The following RFTN1 variants were observed in gnomAD, a reference collection of about 807,000 sequenced individuals.
RFTN1 encodes raftlin, lipid raft linker 1, also known as raftlin.
A neutral mutation model predicts 46.5 loss-of-function variants in RFTN1; 26 were observed. That is an observed-to-expected ratio of 0.56 (90% confidence interval 0.41 to 0.78). The LOEUF is 0.78. Among genes scored for constraint, RFTN1 ranks in the 30% least tolerant of loss-of-function variants. The pLI, the probability that RFTN1 is intolerant of heterozygous loss-of-function variation, is 0.00. For missense variants in RFTN1, 693 were observed against 718.7 expected (o/e 0.96, Z 0.41); for synonymous variants, 261 against 284.2 (o/e 0.92, Z 0.82).
intron 6 of RFTN1, among the ~76,000 whole-genome samples, chr3:16,363,482 G>A (rs891148851): frequency 1.3e-5 from 2 of 152,192 alleles, no homozygotes; most frequent in African/African-American, 2.4e-5. Flanking sequence ...CCAAGCTTAT[G>A]ATTTACAAGA....
rs2076260562 is a variant in RFTN1, at chr3:16,475,161, A to G, written c.145+18564T>C. 1.3e-5 allele frequency among the ~76,000 whole-genome samples: 2 copies of G among 152,316 alleles called. No individual in the cohort carries two copies. Among genetic ancestry groups the G allele is most frequent in the Non-Finnish European group, 2.9e-5 (2 of 68,018 alleles). ...CACCAGCTCCCCTTCCACTTGCACA[A>G]TGTTTGGAAGCTCCTGGAAGCCCTC... On this transcript the variant is annotated intron_variant, in intron 2 of 9. Transcript: ENST00000334133. The surrounding 1 kb of genome is among the most constrained non-coding windows in gnomAD (Gnocchi z 4.2).
intron 2 of RFTN1, among the ~76,000 whole-genome samples, chr3:16,453,543 T>A (rs1051382029): frequency 6.6e-6 from 1 of 152,242 alleles, no homozygotes; most frequent in South Asian, 2.1e-4. Flanking sequence ...ATAGTCAGCT[T>A]CTTGGGCTCA....
chr3:16,512,839 G>C lies in RFTN1; in HGVS notation c.-9+603C>G, dbSNP rs1693718347. On this transcript the variant is annotated intron_variant, in intron 1 of 9. Transcript: ENST00000334133. This position sits in a 1 kb window ranked among gnomAD's most constrained non-coding sequence, Gnocchi z 4.3. ...GGACTCTCGGCACCCGCGTCCCTGT[G>C]CTTCTGGTGGTTCCGGCGCTTCCTC... The C allele has an allele frequency of 6.6e-6, 1 of 152,402 alleles. No individual in the cohort carries two copies. The highest frequency in any genetic ancestry group is 2.4e-5 in the African/African-American group (1 of 41,542). 9.4% of individuals were successfully genotyped at this position (152,402 alleles called of 1,614,324 possible).
rs187710973 is a variant in RFTN1 at position 16,446,905 on chromosome 3, C to T, written c.146-12868G>A. Among the ~76,000 whole-genome samples the T allele has an allele frequency of 1.6e-4, 24 of 152,288 alleles. No homozygotes were observed. Among genetic ancestry groups the T allele is most frequent in the Non-Finnish European group, 2.9e-4 (20 of 68,022 alleles). ...AAAGTCTTAGGTGAATTTTCAAAAG[C>T]TTCTGAATATAGTAATATAAAATGA... On this transcript the variant is annotated intron_variant, in intron 2 of 9. Transcript: ENST00000334133. The surrounding 1 kb of genome is among the most constrained non-coding windows in gnomAD (Gnocchi z 4.5).
In RFTN1 at chr3:16,345,264, TTG is replaced by T. The variant is rs10703577; in HGVS notation, c.1146+12666_1146+12667del. The T allele has an allele frequency of 0.25, 36,275 of 145,738 alleles. 4,565 individuals are homozygous for T. Among genetic ancestry groups the T allele is most frequent in the East Asian group, 0.33 (1,638 of 4,960 alleles). The allele number at this position is 145,738 out of a possible 1,614,324, so 9.0% of individuals were successfully genotyped here. ...AAACTGTAAGATAATAAGTAGGTGG[TTG>T]TGTGTGTGTGTGTGTGTGTGTGTGT... On this transcript the variant is annotated intron_variant, in intron 7 of 9. Transcript: ENST00000334133. This position sits in a 1 kb window ranked among gnomAD's most constrained non-coding sequence, Gnocchi z 5.2.
chr3:16,414,376 G>A (rs1464846795), intron 3 of RFTN1, among the ~76,000 whole-genome samples: 1 of 151,826 alleles, frequency 6.6e-6, no homozygotes, highest in Non-Finnish European at 1.5e-5. Context: ...GGAGGCTGAG[G>A]TGGGAGGATC....
intron 7 of RFTN1, among the ~76,000 whole-genome samples, chr3:16,354,078 A>G (rs1575103298): frequency 6.6e-6 from 1 of 152,358 alleles, no homozygotes; most frequent in Admixed American, 6.5e-5. Flanking sequence ...GCTGAACCAA[A>G]AAGCCTTCAA....
chr3:16,362,954 G>A (rs1394348842), intron 6 of RFTN1, among the ~76,000 whole-genome samples: 2 of 152,080 alleles, frequency 1.3e-5, no homozygotes, highest in Admixed American at 6.5e-5. Flanking sequence ...GGAAAGCTAC[G>A]GCTAGCTTGA....
At chr3:16,396,370 G>A (rs913821646) in intron 4 of RFTN1, among the ~76,000 whole-genome samples, 2 of 152,174 alleles carry the variant, frequency 1.3e-5, no homozygotes, top group Non-Finnish European at 2.9e-5. Context: ...CTCAGCTAGT[G>A]CACCTCTTGA....
At chr3:16,333,876 A>T (rs2070582441) in intron 7 of RFTN1, among the ~76,000 whole-genome samples, 3 of 152,248 alleles carry the variant, frequency 2.0e-5, no homozygotes. Flanking sequence ...ATGCAAATTA[A>T]AACTACCAGC....
At chr3:16,331,856 A>C (rs1253886260) in intron 7 of RFTN1, among the ~76,000 whole-genome samples, 1 of 152,220 alleles carries the variant, frequency 6.6e-6, no homozygotes, top group African/African-American at 2.4e-5. Context: ...GTGCATTTCT[A>C]AAAATGCCTT....
At chr3:16,379,151 A>G (rs915782384) in intron 4 of RFTN1, among the ~76,000 whole-genome samples, 3 of 152,220 alleles carry the variant, frequency 2.0e-5, no homozygotes, top group Admixed American at 2.0e-4. Flanking sequence ...GGCCTCTGCA[A>G]TGATAATCTA....
At position 16,335,504 on chromosome 3, in the gene RFTN1, C is replaced by T. The variant is rs190611702; in HGVS notation, c.1147-8628G>A. Among the ~76,000 whole-genome samples, 51 of 152,286 alleles carry T rather than the reference C, an allele frequency of 3.3e-4. No individual in the cohort carries two copies. Among genetic ancestry groups the T allele is most frequent in the Non-Finnish European group, 6.8e-4 (46 of 68,028 alleles). On this transcript the variant is annotated intron_variant, in intron 7 of 9. Coordinates refer to ENST00000334133, the MANE Select transcript of RFTN1 (RefSeq NM_015150.2). This position sits in a 1 kb window ranked among gnomAD's most constrained non-coding sequence, Gnocchi z 4.7. ...GAAGCTGTTATCCTTAGCAAACTAA[C>T]GCAGGAACAGAAAATCAAACACCAC...
In RFTN1 at chr3:16,450,096, ATC is replaced by A. The variant is rs2075798623; in HGVS notation, c.146-16061_146-16060del. 6.6e-6 allele frequency among the ~76,000 whole-genome samples: 1 copy of A among 152,210 alleles called. No homozygotes were observed. The highest frequency in any genetic ancestry group is 1.5e-5 in the Non-Finnish European group (1 of 68,034). On this transcript the variant is annotated intron_variant, in intron 2 of 9. Transcript: ENST00000334133. This position sits in a 1 kb window ranked among gnomAD's most constrained non-coding sequence, Gnocchi z 4.6. Reference sequence around the variant, plus strand: ...CACTCTCCATGCCTGTCTTAAATCCATCCCAATTTGTAAAATTAAATGTGCAA... The same window carrying A: ...CACTCTCCATGCCTGTCTTAAATCCACCAATTTGTAAAATTAAATGTGCAA...
rs1432734256 is a variant in RFTN1 at position 16,356,638 on chromosome 3, G to C, written c.1146+1294C>G. ...TAACCAGGCAAGGGACTGCCTCAAG[G>C]CTGCAGTTCTGGCAGGCACAAGGGT... On this transcript the variant is annotated intron_variant, in intron 7 of 9. Coordinates refer to ENST00000334133, the MANE Select transcript of RFTN1 (RefSeq NM_015150.2). This position sits in a 1 kb window ranked among gnomAD's most constrained non-coding sequence, Gnocchi z 4.9. Among the ~76,000 whole-genome samples, 1 of 152,184 alleles carries C rather than the reference G, an allele frequency of 6.6e-6. No individual in the cohort carries two copies. Among genetic ancestry groups the C allele is most frequent in the Non-Finnish European group, 1.5e-5 (1 of 68,036 alleles).
In RFTN1 at chr3:16,348,086, A is replaced by G. The variant is rs2071854850; in HGVS notation, c.1146+9846T>C. 6.6e-6 allele frequency: 1 copy of G among 152,104 alleles called. No homozygotes were observed. The highest frequency in any genetic ancestry group is 1.5e-5 in the Non-Finnish European group (1 of 68,020). The allele number at this position is 152,104 out of a possible 1,614,324, so 9.4% of individuals were successfully genotyped here. ...TGAGGCCAGGGAGCAGGGCTTTCAT[A>G]CACCCACACTCCTCTGTCATCGACG... On this transcript the variant is annotated intron_variant, in intron 7 of 9. Transcript: ENST00000334133. The surrounding 1 kb of genome is among the most constrained non-coding windows in gnomAD (Gnocchi z 6.3).
Position 16,316,898 on chromosome 3 carries a change from T to C in RFTN1, c.1667A>G (p.Asn556Ser), listed in dbSNP as rs1234584536. Residue 556 changes from asparagine (N) to serine (S), a missense_variant, in exon 10 of 10, where the codon AAT (asparagine) becomes AGT (serine). Physicochemically the swap from Asn to Ser is conservative, Grantham distance 46. Coordinates refer to ENST00000334133, the MANE Select transcript of RFTN1 (RefSeq NM_015150.2). The surrounding 1 kb of genome is among the most constrained non-coding windows in gnomAD (Gnocchi z 4.5). ...ALVGICTGHSNPGEDARDGDA... is the reference protein window; with the variant it reads ...ALVGICTGHSSPGEDARDGDA... ...CCCGTCCCTGGCATCCTCTCCAGGA[T>C]TGGAGTGCCCAGTGCAAATCCCCAC... The C allele has an allele frequency of 6.2e-7, 1 of 1,614,156 alleles. No homozygotes were observed. The highest frequency in any genetic ancestry group is 1.1e-5 in the South Asian group (1 of 91,088).
rs577469230 is a variant in RFTN1, at chr3:16,394,141, AG to A, written c.441+15233del. On this transcript the variant is annotated intron_variant, in intron 4 of 9. Coordinates refer to ENST00000334133, the MANE Select transcript of RFTN1 (RefSeq NM_015150.2). The stretch of plus-strand genomic sequence containing the variant: ...CAGTACTTTGGGAGGCCAGGATGGG[AG>A]GATCACTTGAGGCCAGAAAAGGCAT... Among the ~76,000 whole-genome samples, 29 of 152,144 alleles carry A rather than the reference AG, an allele frequency of 1.9e-4. No homozygotes were observed. The East Asian group carries it at 5.6e-3, about 29-fold the overall frequency.
At chr3:16,431,524 C>A (rs2075387972) in intron 3 of RFTN1, among the ~76,000 whole-genome samples, 1 of 152,002 alleles carries the variant, frequency 6.6e-6, no homozygotes, top group Non-Finnish European at 1.5e-5. Context: ...GATACACCTT[C>A]ACTTTTTGAG....
Sources: allele counts gnomAD v4.1 joint callset (sites outside exome capture counted in the v4.1 genomes callset), GRCh38; gene constraint gnomAD v4.1.1; non-coding constraint Gnocchi (gnomAD v3.1); transcripts MANE v1.5; gene names NCBI Gene and HGNC (gene_info 2026-07-23, HGNC 2026-07-21).